The following KEL variants were observed in gnomAD, a reference collection of about 807,000 sequenced individuals.
The protein encoded by KEL is kell blood group glycoprotein.
A neutral mutation model predicts 99.5 loss-of-function variants in KEL; 96 were observed. The ratio of observed to expected loss-of-function variants is 0.97; its 90% CI spans 0.82 to 1.14. The LOEUF is 1.14. Among genes scored for constraint, KEL ranks in the 50% most tolerant of loss-of-function variants. The pLI is 0.00. For missense variants in KEL, 926 were observed against 924.2 expected (o/e 1.00, Z -0.03); for synonymous variants, 355 against 354.8 (o/e 1.00, Z -0.01).
Position 142,944,758 on chromosome 7 carries a change from C to A in KEL, c.1315-17G>T. 5 of 1,589,452 alleles carry A rather than the reference C, an allele frequency of 3.1e-6. No individual in the cohort carries two copies. Among genetic ancestry groups the A allele is most frequent in the Non-Finnish European group, 4.3e-6 (5 of 1,157,920 alleles). On this transcript the variant is annotated splice_polypyrimidine_tract_variant and intron_variant, in intron 11 of 18. Coordinates refer to ENST00000355265, the MANE Select transcript of KEL (RefSeq NM_000420.3). The stretch of plus-strand genomic sequence containing the variant: ...TTTCATGGCCTGTGGGAGTGAGGTC[C>A]AGGGACAGGGGGACAGGATCAGGAG...
At chr7:142,942,698 A>G (rs1409092364) in intron 17 of KEL, among the ~76,000 whole-genome samples, 169 bp from the exon 18 acceptor site, 1 of 152,204 alleles carries the variant, frequency 6.6e-6, no homozygotes, top group Non-Finnish European at 1.5e-5. Flanking sequence ...AGATGTCCTA[A>G]AATGGAGGAT....
At chr7:142,946,962 G>A (rs1173637391) in intron 10 of KEL, among the ~76,000 whole-genome samples, 1 of 152,194 alleles carries the variant, frequency 6.6e-6, no homozygotes, top group Non-Finnish European at 1.5e-5. Context: ...GAATAGAACA[G>A]GAAGGTGGAG....
At chr7:142,949,892 AAAGAAAACC>A (rs1796634693) in intron 10 of KEL, among the ~76,000 whole-genome samples, 2 of 152,244 alleles carry the variant, frequency 1.3e-5, no homozygotes, top group Non-Finnish European at 2.9e-5. Flanking sequence ...AAGTTTCATA[AAAGAAAACC>A]TGACTTAACA....
Position 142,943,719 on chromosome 7 carries a change from T to C in KEL, c.1592+64A>G. 4.5e-6 allele frequency: 7 copies of C among 1,540,758 alleles called. No individual in the cohort carries two copies. In the South Asian group the frequency reaches 7.8e-5, roughly 17 times the overall value. ...CTGCCTGCCCTGAGCCCTGGCTTCC[T>C]TTCCTGTGAATCATGGATGGGTCTC... is the stretch of plus-strand genomic sequence containing the variant. On this transcript the variant is annotated intron_variant, in intron 14 of 18. Coordinates refer to ENST00000355265, the MANE Select transcript of KEL (RefSeq NM_000420.3).
At chr7:142,954,151 G>C (rs761584254) in intron 8 of KEL, 33 bp downstream of exon 8, 1 of 1,593,040 alleles carries the variant, frequency 6.3e-7, no homozygotes, top group Non-Finnish European at 8.5e-7. Flanking sequence ...AGATCCCCAT[G>C]CCCACAGTCT....
intron 11 of KEL, 197 bp downstream of exon 11, chr7:142,946,010 T>C (rs1214417769): frequency 1.7e-6 from 1 of 600,784 alleles, no homozygotes; most frequent in Non-Finnish European, 3.0e-6. Context: ...TCATGGAGAA[T>C]TTGTGGCCTG....
chr7:142,956,438 C>CTT (rs75808381), intron 6 of KEL, among the ~76,000 whole-genome samples: 1 of 147,054 alleles, frequency 6.8e-6, no homozygotes, highest in Middle Eastern at 3.2e-3. Flanking sequence ...CTCAGTAGCT[C>CTT]TTTTTTTTTT....
At chr7:142,959,397 A>G (rs6975703) in intron 4 of KEL, among the ~76,000 whole-genome samples, 6,045 of 152,194 alleles carry the variant, frequency 0.04, 368 homozygotes, top group African/African-American at 0.14. Context: ...GAATGAGGAG[A>G]AGAAGACAAT....
Position 142,943,291 on chromosome 7 carries a change from T to C in KEL, c.1756A>G (p.Ile586Val), listed in dbSNP as rs1562956840. ...TGTTACCCACAGAGCTGGTAGAAGA[T>C]GTGCAACAGCTCGTGGGCCATGATG... ...GSIMAHELLH[I>V]FYQLLLPGGC... Residue 586 changes from isoleucine to valine, a missense_variant, in exon 16 of 19, where the codon ATC (isoleucine) becomes GTC (valine). By Grantham distance (29) the Ile-to-Val change is conservative. Transcript: ENST00000355265. The C allele has an allele frequency of 5.6e-6, 9 of 1,614,020 alleles. No homozygotes were observed. Among genetic ancestry groups the C allele is most frequent in the Non-Finnish European group, 7.6e-6 (9 of 1,179,954 alleles).
intron 5 of KEL, 87 bp downstream of exon 5, chr7:142,958,217 C>T (rs1796874735): frequency 6.3e-7 from 1 of 1,598,366 alleles, no homozygotes; most frequent in Admixed American, 1.7e-5. Context: ...GAAGACCCAC[C>T]CTCTAGAAAA....
intron 14 of KEL, 82 bp downstream of exon 14, chr7:142,943,701 C>T: frequency 2.7e-6 from 4 of 1,471,922 alleles, no homozygotes; most frequent in Non-Finnish European, 3.8e-6. Context: ...ATGCTGCCTG[C>T]CCTGAGCCCT....
In KEL at chr7:142,954,209, TG is replaced by T; in HGVS notation, c.898del (p.Gln300ArgfsTer30). The T allele has an allele frequency of 6.2e-7, 1 of 1,611,994 alleles. No homozygotes were observed. ...CTTGAGCTGGTCGATAGTGACCATC[TG>T]GAAGAGCTTGCCCTGTGCCCGCCGC... Reference protein sequence around the residue: ...EQRRAQGKLFQMVTIDQLKEM... With the variant: ...EQRRAQGKLFXMVTIDQLKEM... On this transcript the variant is annotated frameshift_variant, in exon 8 of 19. Transcript: ENST00000355265. LOFTEE classifies it high-confidence loss of function.
rs757662766 is a variant in KEL, at chr7:142,943,093, G to T, written c.1772-49C>A. On this transcript the variant is annotated intron_variant, in intron 16 of 18. Transcript: ENST00000355265. Reference sequence around the variant, plus strand: ...CATACAGCAAGAGAACATAGGGTTGGTGCTGCCTAGGTGAGGATGTGGGTG... The same window carrying T: ...CATACAGCAAGAGAACATAGGGTTGTTGCTGCCTAGGTGAGGATGTGGGTG... The T allele has an allele frequency of 9.3e-6, 15 of 1,606,206 alleles. No homozygotes were observed. In the African/African-American group the frequency reaches 1.2e-4, roughly 13 times the overall value.
chr7:142,958,357 T>C lies in KEL; in HGVS notation c.472A>G (p.Thr158Ala), dbSNP rs372570041. Residue 158 changes from threonine to alanine, a missense_variant, in exon 5 of 19, where the codon ACA becomes GCA. Physicochemically the swap from Thr to Ala is moderately conservative, Grantham distance 58 (BLOSUM62 0). Transcript: ENST00000355265. ...AFQFYNSCMD[T>A]LAIEAAGTGP... ...GTCCCTGCAGCTTCAATGGCAAGTG[T>C]ATCCATGCAGGAGTTGTAGAACTGG... The C allele has an allele frequency of 2.8e-5, 45 of 1,614,022 alleles. No individual in the cohort carries two copies. Among genetic ancestry groups the C allele is most frequent in the African/African-American group, 1.3e-5 (1 of 74,916 alleles).
intron 11 of KEL, chr7:142,944,948 G>T: frequency 1.6e-6 from 1 of 623,972 alleles, no homozygotes; most frequent in Non-Finnish European, 2.9e-6. Flanking sequence ...GGAAGGTGGG[G>T]CCTGGCCATC....
In KEL at chr7:142,943,354, A is replaced by G. The variant is rs748164645; in HGVS notation, c.1704-11T>C. 6.2e-7 allele frequency: 1 copy of G among 1,614,052 alleles called. No homozygotes were observed. Among genetic ancestry groups the G allele is most frequent in the Non-Finnish European group, 8.5e-7 (1 of 1,179,974 alleles). On this transcript the variant is annotated splice_polypyrimidine_tract_variant and intron_variant, in intron 15 of 18. Transcript: ENST00000355265. ...CCAAAGTTCACGGCTCTAGGGAGAC[A>G]AGGGCTTATTTGACCCCCAGAATCT... is the stretch of plus-strand genomic sequence containing the variant.
intron 18 of KEL, 72 bp from the exon 19 acceptor site, chr7:142,941,485 C>CA: frequency 1.4e-6 from 2 of 1,425,272 alleles, no homozygotes; most frequent in South Asian, 2.8e-5. Flanking sequence ...AAGGGGTGAT[C>CA]AGGGACAGCA....
chr7:142,962,130 GT>G, intron 1 of KEL, 73 bp downstream of exon 1: 1 of 1,613,288 alleles, frequency 6.2e-7, no homozygotes, highest in Non-Finnish European at 8.5e-7. Flanking sequence ...CTCCCCTCCA[GT>G]GGGGGCAGGA....
chr7:142,942,788 T>A (rs1796396971), intron 17 of KEL, 87 bp downstream of exon 17: 2 of 1,511,670 alleles, frequency 1.3e-6, no homozygotes, highest in Non-Finnish European at 1.8e-6. Flanking sequence ...CAACTGTACT[T>A]GTGTCAGGAA....
Sources: allele counts gnomAD v4.1 joint callset (sites outside exome capture counted in the v4.1 genomes callset), GRCh38; gene constraint gnomAD v4.1.1; transcripts MANE v1.5; gene names NCBI Gene and HGNC (gene_info 2026-07-23, HGNC 2026-07-21).